Variants in ADCY2 observed in about 807,000 individuals in gnomAD.
ADCY2 encodes adenylate cyclase 2, also known as adenylate cyclase type 2.
A neutral mutation model predicts 125.2 loss-of-function variants in ADCY2; 31 were observed. The ratio of observed to expected loss-of-function variants is 0.25; its 90% CI spans 0.19 to 0.33. The LOEUF is 0.33. Among genes scored for constraint, ADCY2 ranks in the 10% least tolerant of loss-of-function variants. The pLI, the probability that ADCY2 is intolerant of heterozygous loss-of-function variation, is 1.00. For missense variants in ADCY2, 904 were observed against 1,418.2 expected (o/e 0.64, Z 5.82); for synonymous variants, 512 against 548.4 (o/e 0.93, Z 0.93).
chr5:7,512,771 G>A (rs904535129), intron 2 of ADCY2, among the ~76,000 whole-genome samples: 2 of 152,158 alleles, frequency 1.3e-5, no homozygotes, highest in African/African-American at 4.8e-5. Context: ...AGCTCAGCCT[G>A]CAGCCCCATG....
intron 3 of ADCY2, among the ~76,000 whole-genome samples, chr5:7,591,928 T>C (rs1736860520): frequency 6.6e-6 from 1 of 152,268 alleles, no homozygotes; most frequent in Admixed American, 6.5e-5. Context: ...AGTAAATTTT[T>C]CAATCTTCTT....
chr5:7,575,062 A>G (rs915679885), intron 3 of ADCY2, among the ~76,000 whole-genome samples: 6 of 152,190 alleles, frequency 3.9e-5, no homozygotes, highest in Admixed American at 2.0e-4. Flanking sequence ...GTGGAGACTC[A>G]TGCCTGTAAT....
chr5:7,552,361 G>A (rs1406431874), intron 3 of ADCY2, among the ~76,000 whole-genome samples: 3 of 152,214 alleles, frequency 2.0e-5, no homozygotes, highest in African/African-American at 7.2e-5. Flanking sequence ...GCAGTATTTT[G>A]ATGGTTGACA....
In ADCY2 at chr5:7,829,523, A is replaced by T. The variant is rs1745581098; in HGVS notation, c.*2652A>T. On this transcript the variant is annotated 3_prime_UTR_variant, in exon 25 of 25. Coordinates refer to ENST00000338316, the MANE Select transcript of ADCY2 (RefSeq NM_020546.3). The stretch of plus-strand genomic sequence containing the variant: ...GAAAACTGGCAGTGCACCTCTCATC[A>T]GCCCAGGTCCCAGTGCCATTGGCTT... The T allele has an allele frequency of 6.6e-6, 1 of 151,044 alleles. No homozygotes were observed. The highest frequency in any genetic ancestry group is 1.5e-5 in the Non-Finnish European group (1 of 67,794). The allele number at this position is 151,044 out of a possible 1,614,324, so 9.4% of individuals were successfully genotyped here.
intron 4 of ADCY2, among the ~76,000 whole-genome samples, chr5:7,636,864 C>T (rs1738524492): frequency 6.6e-6 from 1 of 152,090 alleles, no homozygotes; most frequent in Admixed American, 6.5e-5. Flanking sequence ...GCTAAAGTGA[C>T]TGAGGTTAGG....
chr5:7,544,546 A>C (rs1735092134), intron 3 of ADCY2, among the ~76,000 whole-genome samples: 1 of 152,158 alleles, frequency 6.6e-6, no homozygotes, highest in African/African-American at 2.4e-5. Context: ...GTCATCCAGG[A>C]TGCTCTCTCC....
At position 7,614,166 on chromosome 5, in the gene ADCY2, C is replaced by T. The variant is rs1319207575; in HGVS notation, c.571-12001C>T. 2.0e-5 allele frequency among the ~76,000 whole-genome samples: 3 copies of T among 152,224 alleles called. No individual in the cohort carries two copies. The South Asian group carries it at 6.2e-4, about 32-fold the overall frequency. ...GCATCTCATGAGTGTCAACAGAGAC[C>T]CCAGATCACAATGAACAGAAAACAA... is the stretch of plus-strand genomic sequence containing the variant. On this transcript the variant is annotated intron_variant, in intron 3 of 24. Transcript: ENST00000338316.
chr5:7,514,396 G>A (rs1017970894), intron 2 of ADCY2, among the ~76,000 whole-genome samples: 16 of 152,104 alleles, frequency 1.1e-4, no homozygotes, highest in Admixed American at 6.6e-5. Flanking sequence ...AAATTAGTTT[G>A]GATTTATAAA....
At chr5:7,528,719 C>T (rs1324645721) in intron 3 of ADCY2, among the ~76,000 whole-genome samples, 2 of 152,222 alleles carry the variant, frequency 1.3e-5, no homozygotes, top group East Asian at 3.8e-4. Flanking sequence ...GCACCACTCA[C>T]TAATGTTTCA....
At chr5:7,655,449 A>T (rs1561147930) in intron 4 of ADCY2, among the ~76,000 whole-genome samples, 1 of 152,210 alleles carries the variant, frequency 6.6e-6, no homozygotes, top group Non-Finnish European at 1.5e-5. Context: ...AACGTCCAGG[A>T]TGTAAAATCC....
At chr5:7,767,686 C>T (rs1344234199) in intron 17 of ADCY2, among the ~76,000 whole-genome samples, 2 of 151,736 alleles carry the variant, frequency 1.3e-5, no homozygotes, top group African/African-American at 4.9e-5. Context: ...GTCCTTTTTC[C>T]CTTCCCATCA....
intron 17 of ADCY2, among the ~76,000 whole-genome samples, chr5:7,771,881 T>C (rs1156344987): frequency 1.3e-5 from 2 of 152,202 alleles, no homozygotes; most frequent in African/African-American, 2.4e-5. Context: ...CTATGTTTTA[T>C]TAAAAGTCTT....
intron 7 of ADCY2, among the ~76,000 whole-genome samples, chr5:7,700,931 T>C (rs1156675571): frequency 6.6e-6 from 1 of 152,032 alleles, no homozygotes; most frequent in Non-Finnish European, 1.5e-5. Flanking sequence ...AAATGCATAG[T>C]GTGAGAAATA....
intron 2 of ADCY2, among the ~76,000 whole-genome samples, chr5:7,472,069 G>T (rs1742359978): frequency 1.3e-5 from 2 of 152,086 alleles, no homozygotes; most frequent in African/African-American, 2.4e-5. Context: ...TGAGCTTCTT[G>T]GTTGTATTTA....
At chr5:7,777,904 G>A (rs1475839110) in intron 18 of ADCY2, among the ~76,000 whole-genome samples, 1 of 152,232 alleles carries the variant, frequency 6.6e-6, no homozygotes, top group Non-Finnish European at 1.5e-5. Flanking sequence ...CCATTAGGAA[G>A]GAGGTCAGGA....
At chr5:7,787,145 G>A (rs539776335) in intron 19 of ADCY2, among the ~76,000 whole-genome samples, 1 of 152,254 alleles carries the variant, frequency 6.6e-6, no homozygotes, top group East Asian at 1.9e-4. Context: ...GTGACAATCC[G>A]AGGGATGGGA....
chr5:7,478,110 C>T (rs750041062), intron 2 of ADCY2, among the ~76,000 whole-genome samples: 4 of 152,116 alleles, frequency 2.6e-5, no homozygotes, highest in Non-Finnish European at 4.4e-5. Context: ...TTTACTTTAT[C>T]AATATCGCAG....
intron 3 of ADCY2, among the ~76,000 whole-genome samples, chr5:7,618,764 T>C (rs1206995772): frequency 3.9e-5 from 6 of 152,206 alleles, no homozygotes; most frequent in Non-Finnish European, 7.3e-5. Context: ...TAAAATTTAT[T>C]TTTTAAGCAT....
At position 7,698,282 on chromosome 5, in the gene ADCY2, C is replaced by T. The variant is rs576575409; in HGVS notation, c.1017C>T (p.Asp339=). 4 of 1,613,924 alleles carry T rather than the reference C, an allele frequency of 2.5e-6. No individual in the cohort carries two copies. In the African/African-American group the frequency reaches 5.3e-5, roughly 22 times the overall value. ...NECMRIKILG[D]CYYCVSGLPI... ...GCATGAGAATTAAAATTTTAGGAGACTGCTACTACTGTGTATCTGGACTCC... is the reference window on the plus strand; with the variant it reads ...GCATGAGAATTAAAATTTTAGGAGATTGCTACTACTGTGTATCTGGACTCC... Residue 339 remains aspartate (D), a synonymous_variant, in exon 7 of 25, where the codon GAC becomes GAT. Transcript: ENST00000338316.
Sources: gnomAD v4.1 joint callset for allele counts (sites outside exome capture counted in the v4.1 genomes callset) on GRCh38, gnomAD v4.1.1 for gene constraint, MANE v1.5 for transcripts, NCBI Gene and HGNC (gene_info 2026-07-23, HGNC 2026-07-21) for gene names.